VSTM4: variants seen among roughly 807,000 people sequenced by gnomAD.
The protein encoded by VSTM4 is V-set and transmembrane domain containing 4, also known as V-set and transmembrane domain-containing protein 4.
A neutral mutation model predicts 36.4 loss-of-function variants in VSTM4; 20 were observed. The ratio of observed to expected loss-of-function variants is 0.55; its 90% confidence interval spans 0.39 to 0.80. VSTM4 has a LOEUF of 0.80. Among genes scored for constraint, VSTM4 ranks in the 30% least tolerant of loss-of-function variants. The pLI, the probability that VSTM4 is intolerant of heterozygous loss-of-function variation, is 0.00. For missense variants in VSTM4, 392 were observed against 404.5 expected, an observed-to-expected ratio of 0.97 and a Z score of 0.26; for synonymous variants, 182 against 173.9, an observed-to-expected ratio of 1.05 and a Z score of -0.37.
At chr10:49,079,425 T>C (rs988116965) in intron 3 of VSTM4, among the ~76,000 whole-genome samples, 3 of 152,164 alleles carry the variant, frequency 2.0e-5, no homozygotes, top group Non-Finnish European at 2.9e-5. Flanking sequence ...GTCTGATCAA[T>C]ACAATGCCAA....
chr10:49,107,711 C>T lies in VSTM4; in HGVS notation c.340G>A (p.Val114Ile), dbSNP rs754771517. The change falls in exon 2 of 8, where the codon GTC (valine) becomes ATC (isoleucine). Residue 114 changes from valine to isoleucine, a missense_variant. Transcript: ENST00000332853. ...EQRGALYRLS[V>I]LTLQPSDQGH... Reference sequence around the variant, plus strand: ...TGATCGGAGGGCTGCAGTGTCAAGACGGAGAGCCTGTAGAGCGCCCCCCGC... The same window carrying T: ...TGATCGGAGGGCTGCAGTGTCAAGATGGAGAGCCTGTAGAGCGCCCCCCGC... 24 of 1,614,094 alleles carry T rather than the reference C, an allele frequency of 1.5e-5. No homozygotes were observed. Among genetic ancestry groups the T allele is most frequent in the Middle Eastern group, 3.3e-4 (2 of 6,084 alleles).
intron 7 of VSTM4, among the ~76,000 whole-genome samples, chr10:49,033,138 GAAC>G (rs879413055): frequency 1.3e-5 from 2 of 152,082 alleles, no homozygotes; most frequent in Non-Finnish European, 2.9e-5. Flanking sequence ...TGAAAAATTA[GAAC>G]AACCTAAATG....
At chr10:49,027,816 T>C (rs1039214556) in intron 7 of VSTM4, among the ~76,000 whole-genome samples, 7 of 152,264 alleles carry the variant, frequency 4.6e-5, no homozygotes, top group Non-Finnish European at 1.0e-4. Context: ...CCACATGCTG[T>C]AGCTAGCCAT....
chr10:49,028,045 A>T (rs1843289778), intron 7 of VSTM4, among the ~76,000 whole-genome samples: 1 of 152,232 alleles, frequency 6.6e-6, no homozygotes, highest in Non-Finnish European at 1.5e-5. Flanking sequence ...CCTGCAAAGC[A>T]TGAGCGTTTC....
intron 2 of VSTM4, among the ~76,000 whole-genome samples, chr10:49,087,704 C>G (rs1301732099): frequency 2.6e-5 from 4 of 151,990 alleles, no homozygotes; most frequent in Admixed American, 2.6e-4. Flanking sequence ...AACTCACCTC[C>G]TAAACATACT....
chr10:49,108,044 C>G lies in VSTM4; in HGVS notation c.56-49G>C, dbSNP rs773253631. The G allele has an allele frequency of 1.5e-5, 22 of 1,506,978 alleles. No homozygotes were observed. In the African/African-American group the frequency reaches 1.5e-4, roughly 10 times the overall value. The allele number at this position is 1,506,978 out of a possible 1,614,324, so 93.4% of individuals were successfully genotyped here. ...GAGGATGAGGAGGGCCCCAAGTCCC[C>G]CTGTGGGCAGTCCACAGTCGAGGAG... On this transcript the variant is annotated intron_variant, in intron 1 of 7. Coordinates refer to ENST00000332853, the MANE Select transcript of VSTM4 (RefSeq NM_001031746.5).
intron 4 of VSTM4, among the ~76,000 whole-genome samples, chr10:49,071,406 G>A (rs1844076742): frequency 6.6e-6 from 1 of 152,224 alleles, no homozygotes; most frequent in African/African-American, 2.4e-5. Context: ...CAAGGCCCTG[G>A]GATGAGGTGC....
chr10:49,032,353 G>A (rs1420078348), intron 7 of VSTM4, among the ~76,000 whole-genome samples: 7 of 152,202 alleles, frequency 4.6e-5, no homozygotes, highest in East Asian at 1.9e-4. Context: ...CAGTGACTCC[G>A]TAGCTTATTT....
intron 1 of VSTM4, among the ~76,000 whole-genome samples, chr10:49,112,643 C>T (rs543034165): frequency 5.9e-5 from 9 of 152,208 alleles, no homozygotes; most frequent in Non-Finnish European, 7.3e-5. Flanking sequence ...CGTGGGCCCA[C>T]GACCTGCAGG....
At chr10:49,030,549 T>C (rs1843329980) in intron 7 of VSTM4, among the ~76,000 whole-genome samples, 1 of 152,202 alleles carries the variant, frequency 6.6e-6, no homozygotes, top group African/African-American at 2.4e-5. Flanking sequence ...GTGGGAGGAC[T>C]GGAAAAGTCT....
chr10:49,038,851 AAGG>A (rs766693065), intron 7 of VSTM4, among the ~76,000 whole-genome samples: 8 of 152,042 alleles, frequency 5.3e-5, no homozygotes, highest in Non-Finnish European at 1.0e-4. Context: ...TGTGAATGTC[AAGG>A]AGAAGACAGC....
chr10:49,099,111 A>G (rs1396071313), intron 2 of VSTM4, among the ~76,000 whole-genome samples: 1 of 152,216 alleles, frequency 6.6e-6, no homozygotes, highest in Non-Finnish European at 1.5e-5. Flanking sequence ...CTGACTGTGT[A>G]GTCCCAGTTA....
chr10:49,039,805 T>C (rs1285053231), intron 7 of VSTM4, among the ~76,000 whole-genome samples: 1 of 152,234 alleles, frequency 6.6e-6, no homozygotes, highest in Non-Finnish European at 1.5e-5. Context: ...CTGCGGCTGT[T>C]TTTCCTTTAA....
At chr10:49,088,731 C>T (rs1844418983) in intron 2 of VSTM4, among the ~76,000 whole-genome samples, 1 of 152,266 alleles carries the variant, frequency 6.6e-6, no homozygotes, top group African/African-American at 2.4e-5. Flanking sequence ...CCACTTCTCT[C>T]CTGAAAAAGC....
intron 2 of VSTM4, among the ~76,000 whole-genome samples, chr10:49,095,725 C>T (rs1479683437): frequency 6.6e-6 from 1 of 152,176 alleles, no homozygotes. Context: ...GTCAGCCTCA[C>T]CCCCTCGTCT....
At chr10:49,073,587 TG>T (rs1473835203) in intron 4 of VSTM4, among the ~76,000 whole-genome samples, 1 of 152,210 alleles carries the variant, frequency 6.6e-6, no homozygotes, top group Non-Finnish European at 1.5e-5. Context: ...TCAATGGACC[TG>T]GGAATAATCA....
Position 49,071,753 on chromosome 10 carries a change from C to A in VSTM4, c.634+5466G>T, listed in dbSNP as rs376841089. Among the ~76,000 whole-genome samples the A allele has an allele frequency of 6.6e-5, 10 of 152,320 alleles. No homozygotes were observed. In the East Asian group the frequency reaches 1.7e-3, roughly 26 times the overall value. Reference sequence around the variant, plus strand: ...GCTGCAGGTGCTGGAGAGCAGGTGCCGGGCTCAGCTCTCCTGTCCACATGT... The same window carrying A: ...GCTGCAGGTGCTGGAGAGCAGGTGCAGGGCTCAGCTCTCCTGTCCACATGT... On this transcript the variant is annotated intron_variant, in intron 4 of 7. Coordinates refer to ENST00000332853, the MANE Select transcript of VSTM4 (RefSeq NM_001031746.5).
At chr10:49,084,559 T>TC (rs1235713950) in intron 3 of VSTM4, among the ~76,000 whole-genome samples, 1 of 152,208 alleles carries the variant, frequency 6.6e-6, no homozygotes, top group African/African-American at 2.4e-5. Flanking sequence ...AGGATGGCCC[T>TC]CCTTCTGCCA....
At chr10:49,083,353 C>T (rs767419164) in intron 3 of VSTM4, among the ~76,000 whole-genome samples, 8 of 152,154 alleles carry the variant, frequency 5.3e-5, no homozygotes, top group Non-Finnish European at 1.0e-4. Flanking sequence ...ATGAACTAAG[C>T]CCCAGGAGGA....
Sources: gnomAD v4.1 joint callset for allele counts (sites outside exome capture counted in the v4.1 genomes callset) on GRCh38, gnomAD v4.1.1 for gene constraint, MANE v1.5 for transcripts, NCBI Gene and HGNC (gene_info 2026-07-23, HGNC 2026-07-21) for gene names.